EYA2: variants seen among roughly 807,000 people sequenced by gnomAD.
EYA2 encodes EYA transcriptional coactivator and phosphatase 2.
A neutral mutation model predicts 69.2 loss-of-function variants in EYA2; 31 were observed. That is an observed-to-expected ratio of 0.45 (90% CI 0.34 to 0.60). The LOEUF (loss-of-function observed/expected upper bound fraction) is 0.60, where lower values mean the gene tolerates loss of function less well. Among genes scored for constraint, EYA2 ranks in the 20% least tolerant of loss-of-function variants. EYA2 has a pLI of 0.02. For synonymous variants in EYA2, 257 were observed against 279.4 expected (o/e 0.92, Z 0.80); for missense variants, 622 against 701.2 (o/e 0.89, Z 1.28).
Position 46,924,298 on chromosome 20 carries a change from C to T in EYA2, c.-11+29311C>T, listed in dbSNP as rs573938701. Among the ~76,000 whole-genome samples, 9 of 152,258 alleles carry T rather than the reference C, an allele frequency of 5.9e-5. No homozygotes were observed. The South Asian group carries it at 1.5e-3, about 25-fold the overall frequency. The stretch of plus-strand genomic sequence containing the variant: ...TCAGCCACTGCAGCTGGAAACTCCT[C>T]TCAAGTTTAAAATGTTTGGGTCAAG... On this transcript the variant is annotated intron_variant, in intron 1 of 15. Coordinates refer to ENST00000327619, the MANE Select transcript of EYA2 (RefSeq NM_005244.5).
intron 9 of EYA2, among the ~76,000 whole-genome samples, chr20:47,141,717 A>G (rs2033600965): frequency 6.6e-6 from 1 of 152,212 alleles, no homozygotes; most frequent in Non-Finnish European, 1.5e-5. Flanking sequence ...AAATATCCAG[A>G]ATACTTGCAG....
intron 1 of EYA2, among the ~76,000 whole-genome samples, chr20:46,942,661 G>C (rs1328999727): frequency 6.6e-6 from 1 of 152,140 alleles, no homozygotes; most frequent in Non-Finnish European, 1.5e-5. Context: ...TGTGTGACTT[G>C]GGCAAGGCCA....
chr20:47,035,950 G>T (rs73622697), intron 5 of EYA2, among the ~76,000 whole-genome samples: 5,582 of 152,242 alleles, frequency 0.037, 409 homozygotes, highest in East Asian at 0.29. Flanking sequence ...AGTCGAGGCT[G>T]CAGTGAGCTG....
At chr20:46,978,725 A>AG (rs891411285) in intron 1 of EYA2, 1 of 532,838 alleles carries the variant, frequency 1.9e-6, no homozygotes, top group African/African-American at 1.9e-5. Context: ...GGAGGTGGGC[A>AG]GGGGGGCTGC....
At chr20:47,119,185 G>A (rs2032981841) in intron 9 of EYA2, among the ~76,000 whole-genome samples, 1 of 152,184 alleles carries the variant, frequency 6.6e-6, no homozygotes, top group South Asian at 2.1e-4. Flanking sequence ...TGTTCTTCCA[G>A]CGTCCAAAGA....
At chr20:47,016,576 A>G (rs1453870849) in intron 5 of EYA2, among the ~76,000 whole-genome samples, 1 of 152,248 alleles carries the variant, frequency 6.6e-6, no homozygotes, top group East Asian at 1.9e-4. Flanking sequence ...AGTGATGAGC[A>G]CTTGGGAGGT....
At chr20:47,130,545 G>A (rs942777449) in intron 9 of EYA2, among the ~76,000 whole-genome samples, 2 of 151,898 alleles carry the variant, frequency 1.3e-5, no homozygotes, top group Admixed American at 1.3e-4. Flanking sequence ...GATTACAAGC[G>A]TGAGCCACCG....
chr20:47,136,226 A>G (rs2033468846), intron 9 of EYA2, among the ~76,000 whole-genome samples: 1 of 152,228 alleles, frequency 6.6e-6, no homozygotes, highest in Non-Finnish European at 1.5e-5. Flanking sequence ...TGAGGATGGT[A>G]GAGACACTTG....
intron 15 of EYA2, among the ~76,000 whole-genome samples, chr20:47,187,285 C>G (rs991494845): frequency 6.6e-6 from 1 of 151,272 alleles, no homozygotes; most frequent in Non-Finnish European, 1.5e-5. Flanking sequence ...AGGAGGATCG[C>G]TTGAGCCTGG....
chr20:47,068,321 C>G (rs774793888), intron 5 of EYA2, among the ~76,000 whole-genome samples: 1 of 152,214 alleles, frequency 6.6e-6, no homozygotes, highest in African/African-American at 2.4e-5. Context: ...TGTAGAGAAG[C>G]CATGTGCTGC....
At chr20:47,085,281 A>G (rs1328299158) in intron 7 of EYA2, among the ~76,000 whole-genome samples, 14 of 152,144 alleles carry the variant, frequency 9.2e-5, no homozygotes, top group Admixed American at 9.2e-4. Flanking sequence ...AATCAACCCA[A>G]ACGTCTACCT....
intron 13 of EYA2, among the ~76,000 whole-genome samples, chr20:47,180,174 A>G (rs916819763): frequency 8.0e-5 from 12 of 150,648 alleles, no homozygotes; most frequent in Non-Finnish European, 1.6e-4. Flanking sequence ...CTGGGATTGC[A>G]GGTGTGCACC....
chr20:47,121,602 G>A (rs565536975), intron 9 of EYA2, among the ~76,000 whole-genome samples: 4 of 152,144 alleles, frequency 2.6e-5, no homozygotes, highest in African/African-American at 9.6e-5. Flanking sequence ...AGGATCACTC[G>A]AGTCCAGGAG....
rs143030172 is a variant in EYA2, at chr20:47,021,102, A to G, written c.415+4805A>G. On this transcript the variant is annotated intron_variant, in intron 5 of 15. Transcript: ENST00000327619. ...AATGTATGTGAAGTGTTTAGAGCGCACCTGGCACAAACTAACGCTCTCTAA... is the reference window on the plus strand; with the variant it reads ...AATGTATGTGAAGTGTTTAGAGCGCGCCTGGCACAAACTAACGCTCTCTAA... 8.6e-4 allele frequency among the ~76,000 whole-genome samples: 131 copies of G among 152,318 alleles called. 2 individuals are homozygous for G. The East Asian group carries it at 0.016, about 19-fold the overall frequency.
intron 7 of EYA2, among the ~76,000 whole-genome samples, chr20:47,077,372 A>G (rs1400325669): frequency 6.6e-6 from 1 of 152,232 alleles, no homozygotes; most frequent in Non-Finnish European, 1.5e-5. Context: ...TGGCTTATCA[A>G]CATTAAATAA....
chr20:47,062,478 G>C (rs973497191), intron 5 of EYA2, among the ~76,000 whole-genome samples: 2 of 152,210 alleles, frequency 1.3e-5, no homozygotes, highest in Non-Finnish European at 2.9e-5. Flanking sequence ...GAAACAGGAA[G>C]GCATGGCATC....
At chr20:46,928,414 G>T (rs1249971170) in intron 1 of EYA2, among the ~76,000 whole-genome samples, 1 of 152,198 alleles carries the variant, frequency 6.6e-6, no homozygotes, top group Non-Finnish European at 1.5e-5. Flanking sequence ...TTAATCACCT[G>T]CTGAGCATCA....
intron 10 of EYA2, among the ~76,000 whole-genome samples, chr20:47,147,105 G>T (rs2033719255): frequency 6.7e-6 from 1 of 148,906 alleles, no homozygotes; most frequent in African/African-American, 2.5e-5. Context: ...GTCCAGGCTG[G>T]AGGTACGATC....
chr20:47,068,269 A>G (rs536740307), intron 5 of EYA2, among the ~76,000 whole-genome samples: 37 of 152,378 alleles, frequency 2.4e-4, no homozygotes, highest in African/African-American at 8.4e-4. Context: ...AAATGAATGC[A>G]TGCATGAATT....
Sources: allele counts gnomAD v4.1 joint callset (sites outside exome capture counted in the v4.1 genomes callset), GRCh38; gene constraint gnomAD v4.1.1; transcripts MANE v1.5; gene names NCBI Gene and HGNC (gene_info 2026-07-23, HGNC 2026-07-21).